Variants in KIF5B observed in about 807,000 individuals in gnomAD.
KIF5B encodes the protein kinesin-1 heavy chain.
Under a neutral mutation model 132.8 loss-of-function variants are expected in KIF5B, and 49 were observed. That is an observed-to-expected ratio of 0.37 (90% CI 0.29 to 0.47). The LOEUF is 0.47. KIF5B is among the 20% of genes least tolerant of loss of function. The probability of loss-of-function intolerance (pLI) is 1.00; values close to 1 mark genes in which losing one functional copy is unlikely to be tolerated. For missense variants in KIF5B, 780 were observed against 1,144.0 expected, an observed-to-expected ratio of 0.68 and a Z score of 4.59; for synonymous variants, 355 against 369.4, an observed-to-expected ratio of 0.96 and a Z score of 0.45.
At chr10:32,018,695 T>A in intron 20 of KIF5B, 133 bp from the exon 21 acceptor site, 1 of 691,308 alleles carries the variant, frequency 1.4e-6, no homozygotes, top group African/African-American at 1.9e-5. Context: ...ATGCCTATTT[T>A]AAACAATTTA....
At chr10:32,039,290 T>C (rs768487961) in intron 4 of KIF5B, 37 bp downstream of exon 4, 1 of 754,812 alleles carries the variant, frequency 1.3e-6, no homozygotes, top group East Asian at 2.7e-5. Context: ...TTATTCTTGC[T>C]GTAAAATAAA....
chr10:32,024,069 A>AC (rs974464014), intron 15 of KIF5B, among the ~76,000 whole-genome samples: 1 of 149,020 alleles, frequency 6.7e-6, no homozygotes, highest in Non-Finnish European at 1.5e-5. Context: ...AAAAACAAAA[A>AC]AAAAAAAACA....
rs1477159669 is a variant in KIF5B, at chr10:32,049,416, ACT to A, written c.127-867_127-866del. Among the ~76,000 whole-genome samples, 32 of 152,250 alleles carry A rather than the reference ACT, an allele frequency of 2.1e-4. No homozygotes were observed. The East Asian group carries it at 5.8e-3, about 28-fold the overall frequency. ...AGAACTGAAAAATACGCAGCAACTA[ACT>A]CATCATCACTCTCCCCAGTATTAGT... On this transcript the variant is annotated intron_variant, in intron 1 of 25. Transcript: ENST00000302418.
chr10:32,053,928 A>G (rs1220084796), intron 1 of KIF5B, among the ~76,000 whole-genome samples: 1 of 152,192 alleles, frequency 6.6e-6, no homozygotes, highest in Non-Finnish European at 1.5e-5. Flanking sequence ...ATGGAAACCT[A>G]GAATAAATGT....
intron 1 of KIF5B, among the ~76,000 whole-genome samples, chr10:32,049,145 C>G (rs1841653722): frequency 6.6e-6 from 1 of 152,192 alleles, no homozygotes; most frequent in Non-Finnish European, 1.5e-5. Context: ...AGCTTTTCAA[C>G]CATTCTTTCA....
intron 10 of KIF5B, 107 bp downstream of exon 10, chr10:32,035,415 T>C (rs1841450029): frequency 3.2e-6 from 3 of 925,844 alleles, no homozygotes; most frequent in Non-Finnish European, 4.8e-6. Flanking sequence ...TGAGTGTGTC[T>C]AGCACAAAAC....
At chr10:32,052,127 A>G (rs2132618883) in intron 1 of KIF5B, among the ~76,000 whole-genome samples, 1 of 152,298 alleles carries the variant, frequency 6.6e-6, no homozygotes, top group East Asian at 1.9e-4. Flanking sequence ...CACCGACCAG[A>G]CTGAAGACCA....
rs537401717 is a variant in KIF5B at position 32,037,178 on chromosome 10, AC to A, written c.711+75del. On this transcript the variant is annotated intron_variant, in intron 8 of 25. Transcript: ENST00000302418. Reference sequence around the variant, plus strand: ...TTTGGTAAGTAAGATGCAACAATGAACCCTGCGTAACTCCCAACTCAAACTA... The same window carrying A: ...TTTGGTAAGTAAGATGCAACAATGAACCTGCGTAACTCCCAACTCAAACTA... The A allele has an allele frequency of 1.0e-4, 139 of 1,393,192 alleles. 1 individual carries two copies. In the South Asian group the frequency reaches 1.7e-3, roughly 17 times the overall value. 86.3% of individuals were successfully genotyped at this position (1,393,192 alleles called of 1,614,324 possible). A position where few individuals can be genotyped will look rare whatever the true frequency, so the allele number is the denominator to read the frequency against.
chr10:32,028,364 A>C (rs775979621), intron 15 of KIF5B, 64 bp downstream of exon 15: 48 of 1,275,494 alleles, frequency 3.8e-5, no homozygotes, highest in Non-Finnish European at 5.1e-5. Context: ...ACAAACTATT[A>C]GTAGTAAACA....
chr10:32,020,054 A>C, intron 19 of KIF5B, 95 bp from the exon 20 acceptor site: 16 of 814,950 alleles, frequency 2.0e-5, no homozygotes, highest in Non-Finnish European at 2.8e-5. Flanking sequence ...CTATAATCTC[A>C]TCAAGGACTT....
chr10:32,046,401 T>G (rs1313553710), intron 2 of KIF5B, among the ~76,000 whole-genome samples: 1 of 152,186 alleles, frequency 6.6e-6, no homozygotes, highest in Non-Finnish European at 1.5e-5. Context: ...TTTACACAAT[T>G]ACAAGTGTTA....
chr10:32,055,733 G>T, intron 1 of KIF5B, 115 bp downstream of exon 1: 1 of 1,372,862 alleles, frequency 7.3e-7, no homozygotes, highest in Non-Finnish European at 9.8e-7. Context: ...CCCCGCCGGG[G>T]AGGGCTGGGG....
chr10:32,030,955 C>T, intron 14 of KIF5B, 118 bp downstream of exon 14: 1 of 709,516 alleles, frequency 1.4e-6, no homozygotes, highest in Non-Finnish European at 2.3e-6. Context: ...AACCCGAGTC[C>T]TTGAAAATTG....
At chr10:32,036,424 G>T (rs211278) in intron 8 of KIF5B, among the ~76,000 whole-genome samples, 30,333 of 151,700 alleles carry the variant, frequency 0.2, 3,283 homozygotes, top group Non-Finnish European at 0.25. Flanking sequence ...CTATGTTGTG[G>T]TGTTTTTTTT....
rs1841455218 is a variant in KIF5B, at chr10:32,035,909, G to C, written c.797C>G (p.Ser266Cys). Residue 266 changes from serine to cysteine, a missense_variant, in exon 9 of 26, where the codon TCT becomes TGT. Coordinates refer to ENST00000302418, the MANE Select transcript of KIF5B (RefSeq NM_004521.3). ...ACTCACACTACCCTCAGCCAAAGCA[G>C]AAATAACATTTCCAAGAGCAGAAAG... ...KSLSALGNVI[S>C]ALAEGSTYVP... 6.2e-7 allele frequency: 1 copy of C among 1,611,926 alleles called. No individual in the cohort carries two copies. Among genetic ancestry groups the C allele is most frequent in the Admixed American group, 1.7e-5 (1 of 59,644 alleles).
At position 32,022,204 on chromosome 10, in the gene KIF5B, C is replaced by A; in HGVS notation, c.1968G>T (p.Lys656Asn). 1 of 1,613,518 alleles carries A rather than the reference C, an allele frequency of 6.2e-7. No homozygotes were observed. The highest frequency in any genetic ancestry group is 8.5e-7 in the Non-Finnish European group (1 of 1,179,784). ...CGACAGATTCCTCCAACTGTCTTTT[C>A]TTTTGTTCCACATTTTGAAGGTATT... ...LTEYLQNVEQ[K>N]KRQLEESVDA... Residue 656 changes from lysine to asparagine, a missense_variant, in exon 17 of 26, where the codon AAG becomes AAT. Physicochemically the swap from Lys to Asn is moderately conservative, Grantham distance 94. Coordinates refer to ENST00000302418, the MANE Select transcript of KIF5B (RefSeq NM_004521.3).
chr10:32,047,848 C>T (rs968742405), intron 2 of KIF5B, among the ~76,000 whole-genome samples: 7 of 152,176 alleles, frequency 4.6e-5, no homozygotes, highest in African/African-American at 1.7e-4. Flanking sequence ...AAAGTAACAG[C>T]CATTCCTTTG....
Position 32,018,075 on chromosome 10 carries a change from G to C in KIF5B, c.2521C>G (p.Gln841Glu), listed in dbSNP as rs1405495680. 1.9e-6 allele frequency: 3 copies of C among 1,606,800 alleles called. No individual in the cohort carries two copies. The highest frequency in any genetic ancestry group is 2.6e-6 in the Non-Finnish European group (3 of 1,174,014). The change falls in exon 23 of 26, where the codon CAG (glutamine) becomes GAG (glutamate). Residue 841 changes from glutamine to glutamate, a missense_variant. Gln to Glu is a conservative substitution (Grantham distance 29). Transcript: ENST00000302418. ...KISFLENNLE[Q>E]LTKVHKQLVR... ...ACCTGTTTGTGCACTTTAGTGAGCT[G>C]TTCAAGATTATTTTCAAGAAAGGAG...
At chr10:32,034,064 A>C (rs377226160) in intron 11 of KIF5B, 26 bp from the exon 12 acceptor site, 2 of 1,431,596 alleles carry the variant, frequency 1.4e-6, no homozygotes, top group Non-Finnish European at 1.9e-6. Context: ...AAAGTGGTTA[A>C]TAAAAAAACG....
Sources: allele counts gnomAD v4.1 joint callset (sites outside exome capture counted in the v4.1 genomes callset), GRCh38; gene constraint gnomAD v4.1.1; transcripts MANE v1.5; gene names NCBI Gene and HGNC (gene_info 2026-07-23, HGNC 2026-07-21).